The following HS2ST1 variants were observed in gnomAD, a reference collection of about 807,000 sequenced individuals.
HS2ST1 encodes heparan sulfate 2-O-sulfotransferase 1.
HS2ST1 carries 18 observed loss-of-function variants against 42.9 expected under a neutral mutation model. The ratio of observed to expected loss-of-function variants is 0.42; its 90% CI spans 0.29 to 0.62. The LOEUF (loss-of-function observed/expected upper bound fraction) is 0.62, where lower values mean the gene tolerates loss of function less well. Among genes scored for constraint, HS2ST1 ranks in the 20% least tolerant of loss-of-function variants. HS2ST1 has a pLI of 0.21. For synonymous variants in HS2ST1, 146 were observed against 152.9 expected (o/e 0.95, Z 0.33); for missense variants, 334 against 433.8 (o/e 0.77, Z 2.04).
rs370628144 is a variant in HS2ST1 at position 86,926,906 on chromosome 1, A to G, written c.124+11746A>G. 2.0e-5 allele frequency among the ~76,000 whole-genome samples: 3 copies of G among 152,280 alleles called. No individual in the cohort carries two copies. In the East Asian group the frequency reaches 5.8e-4, roughly 29 times the overall value. On this transcript the variant is annotated intron_variant, in intron 1 of 6. Coordinates refer to ENST00000370550, the MANE Select transcript of HS2ST1 (RefSeq NM_012262.4). ...CCTTCCTTATAGAAGTTTCAAGCGTATGTTAGTTAATTCTTTGAAGTGTTA... is the reference window on the plus strand; with the variant it reads ...CCTTCCTTATAGAAGTTTCAAGCGTGTGTTAGTTAATTCTTTGAAGTGTTA...
chr1:86,977,757 T>C (rs1368964029), intron 1 of HS2ST1, among the ~76,000 whole-genome samples: 3 of 152,246 alleles, frequency 2.0e-5, no homozygotes, highest in Non-Finnish European at 4.4e-5. Flanking sequence ...TATGGCTAAC[T>C]ACTTGAGAGA....
chr1:86,993,227 A>G, intron 1 of HS2ST1: 2 of 1,383,154 alleles, frequency 1.4e-6, no homozygotes, highest in Middle Eastern at 3.8e-4. Flanking sequence ...TTTGTAATGT[A>G]TGCAACCATA....
At chr1:86,937,575 C>T (rs887837117) in intron 1 of HS2ST1, among the ~76,000 whole-genome samples, 4 of 152,160 alleles carry the variant, frequency 2.6e-5, no homozygotes, top group Non-Finnish European at 2.9e-5. Context: ...TTTTACTCAG[C>T]TTCCTTCCCA....
intron 1 of HS2ST1, among the ~76,000 whole-genome samples, chr1:86,948,676 A>G (rs1281119535): frequency 1.3e-5 from 2 of 152,216 alleles, no homozygotes; most frequent in Non-Finnish European, 2.9e-5. Flanking sequence ...TTAGAATAGT[A>G]AAGGTGTTGC....
At chr1:86,960,194 A>C (rs1443769394) in intron 1 of HS2ST1, among the ~76,000 whole-genome samples, 1 of 151,100 alleles carries the variant, frequency 6.6e-6, no homozygotes, top group Non-Finnish European at 1.5e-5. Flanking sequence ...GTGGCACTGG[A>C]ATAACAGGAT....
chr1:86,918,221 A>G (rs1443684487), intron 1 of HS2ST1, among the ~76,000 whole-genome samples: 1 of 152,146 alleles, frequency 6.6e-6, no homozygotes, highest in Admixed American at 6.5e-5. Flanking sequence ...CCTAAAAAAA[A>G]AAATTCAGTA....
At chr1:86,956,065 C>T (rs2102191801) in intron 1 of HS2ST1, among the ~76,000 whole-genome samples, 1 of 152,268 alleles carries the variant, frequency 6.6e-6, no homozygotes, top group East Asian at 1.9e-4. Flanking sequence ...GCTGTCTCTT[C>T]ATACATATAT....
chr1:87,093,136 A>G (rs1226177615), intron 4 of HS2ST1, among the ~76,000 whole-genome samples: 2 of 152,004 alleles, frequency 1.3e-5, no homozygotes, highest in Admixed American at 1.3e-4. Flanking sequence ...ATTTCACTGC[A>G]TTTTCTAGAG....
chr1:86,989,536 A>G (rs866371689), intron 1 of HS2ST1, among the ~76,000 whole-genome samples: 7 of 152,232 alleles, frequency 4.6e-5, no homozygotes, highest in South Asian at 4.1e-4. Context: ...CTGCACATCA[A>G]TAGGCATCCT....
At chr1:87,012,299 C>T (rs1398695522) in intron 1 of HS2ST1, among the ~76,000 whole-genome samples, 2 of 152,056 alleles carry the variant, frequency 1.3e-5, no homozygotes, top group African/African-American at 2.4e-5. Flanking sequence ...CACAGTTACA[C>T]GTAGCTGGGG....
At chr1:87,084,627 T>C (rs1012536414) in intron 3 of HS2ST1, among the ~76,000 whole-genome samples, 2 of 152,096 alleles carry the variant, frequency 1.3e-5, no homozygotes, top group African/African-American at 4.8e-5. Context: ...GCAAAAAAGC[T>C]CTCACTAAGT....
At chr1:87,103,867 G>C (rs1036958567) in intron 6 of HS2ST1, among the ~76,000 whole-genome samples, 1 of 152,204 alleles carries the variant, frequency 6.6e-6, no homozygotes, top group African/African-American at 2.4e-5. Flanking sequence ...CATTAGGCCT[G>C]TGTATAAGTC....
At chr1:87,024,857 T>C (rs1248805066) in intron 1 of HS2ST1, among the ~76,000 whole-genome samples, 1 of 152,248 alleles carries the variant, frequency 6.6e-6, no homozygotes, top group African/African-American at 2.4e-5. Context: ...TATACATCTG[T>C]GTTTCAATTG....
At chr1:86,996,852 C>T (rs745539535) in intron 1 of HS2ST1, among the ~76,000 whole-genome samples, 47 of 152,064 alleles carry the variant, frequency 3.1e-4, no homozygotes, top group Non-Finnish European at 5.6e-4. Flanking sequence ...AGGAACCAGA[C>T]AAAACTTTTG....
At chr1:86,973,440 A>T (rs189333189) in intron 1 of HS2ST1, among the ~76,000 whole-genome samples, 2 of 152,248 alleles carry the variant, frequency 1.3e-5, no homozygotes, top group African/African-American at 4.8e-5. Context: ...CATTAGACAG[A>T]TCTGATTTCA....
chr1:87,094,225 A>G (rs1652010537), intron 4 of HS2ST1, among the ~76,000 whole-genome samples: 1 of 151,988 alleles, frequency 6.6e-6, no homozygotes, highest in Non-Finnish European at 1.5e-5. Flanking sequence ...GTTGGAAAGG[A>G]AAAGATTGCA....
chr1:87,076,308 T>C (rs1461663105), intron 2 of HS2ST1, among the ~76,000 whole-genome samples: 2 of 152,176 alleles, frequency 1.3e-5, no homozygotes, highest in African/African-American at 2.4e-5. Context: ...TTCATAGACA[T>C]AGTACATGCT....
intron 1 of HS2ST1, among the ~76,000 whole-genome samples, chr1:86,964,156 TGGC>T (rs1243179042): frequency 6.8e-6 from 1 of 146,916 alleles, no homozygotes; most frequent in African/African-American, 2.6e-5. Context: ...CTAGACGGGA[TGGC>T]GGCCGGGAAG....
intron 1 of HS2ST1, among the ~76,000 whole-genome samples, chr1:86,960,940 C>CT (rs780633585): frequency 1.3e-5 from 2 of 152,102 alleles, no homozygotes; most frequent in Admixed American, 6.5e-5. Context: ...GAACTGAAAA[C>CT]TTTAAGTCCA....
Sources: allele counts gnomAD v4.1 joint callset (sites outside exome capture counted in the v4.1 genomes callset), GRCh38; gene constraint gnomAD v4.1.1; transcripts MANE v1.5; gene names NCBI Gene and HGNC (gene_info 2026-07-23, HGNC 2026-07-21).